GPC5: variants seen among roughly 807,000 people sequenced by gnomAD.
GPC5 encodes the protein glypican 5.
In GPC5, 47 loss-of-function variants were observed where a neutral mutation model predicts 53.9. That is an observed-to-expected ratio of 0.87 (90% confidence interval 0.69 to 1.11). The LOEUF is 1.11. Ranked by LOEUF, GPC5 falls within the 50% of genes most tolerant of loss-of-function variation. The pLI is 0.00. For synonymous variants in GPC5, 286 were observed against 263.3 expected (o/e 1.09, Z -0.84); for missense variants, 748 against 713.1 (o/e 1.05, Z -0.56).
At chr13:92,438,169 C>A (rs1479349709) in intron 7 of GPC5, among the ~76,000 whole-genome samples, 1 of 151,756 alleles carries the variant, frequency 6.6e-6, no homozygotes, top group Non-Finnish European at 1.5e-5. Flanking sequence ...GCAAAGTAGA[C>A]TCAGTCTACT....
At chr13:92,519,541 T>C (rs1228525305) in intron 7 of GPC5, among the ~76,000 whole-genome samples, 10 of 152,188 alleles carry the variant, frequency 6.6e-5, no homozygotes, top group South Asian at 2.1e-4. Flanking sequence ...GGGTACATAA[T>C]GAAATGAAGG....
intron 7 of GPC5, among the ~76,000 whole-genome samples, chr13:92,257,835 C>A (rs1487138967): frequency 6.6e-6 from 1 of 151,974 alleles, no homozygotes; most frequent in Non-Finnish European, 1.5e-5. Context: ...CAGGCCTGAG[C>A]CACCACGCCT....
intron 7 of GPC5, among the ~76,000 whole-genome samples, chr13:92,667,589 T>G (rs1281174652): frequency 1.3e-5 from 2 of 152,124 alleles, no homozygotes; most frequent in African/African-American, 4.8e-5. Context: ...GGGCATATTG[T>G]CATCTATGAG....
At chr13:91,556,570 T>C (rs117895283) in intron 2 of GPC5, among the ~76,000 whole-genome samples, 13,910 of 149,712 alleles carry the variant, frequency 0.093, 818 homozygotes, top group South Asian at 0.27. Context: ...TATATATATA[T>C]ACACACACAC....
chr13:92,450,101 T>C (rs374436516), intron 7 of GPC5, among the ~76,000 whole-genome samples: 2 of 152,088 alleles, frequency 1.3e-5, no homozygotes, highest in East Asian at 1.9e-4. Flanking sequence ...AAGTAAAACA[T>C]TTCTTCCCTT....
intron 7 of GPC5, among the ~76,000 whole-genome samples, chr13:92,227,320 C>T (rs2042495138): frequency 6.6e-6 from 1 of 152,140 alleles, no homozygotes; most frequent in South Asian, 2.1e-4. Flanking sequence ...AAAACAGCCA[C>T]CCAATGTGGC....
At chr13:91,653,610 A>G (rs539858900) in intron 2 of GPC5, among the ~76,000 whole-genome samples, 1 of 152,290 alleles carries the variant, frequency 6.6e-6, no homozygotes, top group African/African-American at 2.4e-5. Context: ...CAAAAACAAA[A>G]AAACATAATC....
intron 7 of GPC5, among the ~76,000 whole-genome samples, chr13:92,798,109 A>T (rs902901022): frequency 1.3e-5 from 2 of 151,906 alleles, no homozygotes; most frequent in African/African-American, 4.8e-5. Context: ...CAGACTGAGC[A>T]TGCTGAAAAT....
At chr13:92,674,715 A>G (rs1405748218) in intron 7 of GPC5, among the ~76,000 whole-genome samples, 1 of 152,100 alleles carries the variant, frequency 6.6e-6, no homozygotes, top group Admixed American at 6.6e-5. Flanking sequence ...TTGAATTTTT[A>G]ACATCTATGT....
chr13:91,519,423 A>G (rs1885683633), intron 2 of GPC5, among the ~76,000 whole-genome samples: 1 of 152,052 alleles, frequency 6.6e-6, no homozygotes, highest in Non-Finnish European at 1.5e-5. Context: ...TTGGGAGGTG[A>G]CTGAATCATG....
At chr13:91,807,939 C>A (rs867406238) in intron 5 of GPC5, among the ~76,000 whole-genome samples, 12 of 152,184 alleles carry the variant, frequency 7.9e-5, no homozygotes, top group Middle Eastern at 3.4e-3. Flanking sequence ...AATGAACAGA[C>A]CAATGTGCAG....
rs1009619689 is a variant in GPC5, at chr13:92,691,395, G to C, written c.1562-174887G>C. Among the ~76,000 whole-genome samples, 4 of 145,142 alleles carry C rather than the reference G, an allele frequency of 2.8e-5. No homozygotes were observed. The Admixed American group carries it at 2.8e-4, about 10-fold the overall frequency. ...ACTCCCTGACCCCTTGCGCTTCCCA[G>C]GTGAGGCAATGCCTCGCCCTGCTTC... On this transcript the variant is annotated intron_variant, in intron 7 of 7. Coordinates refer to ENST00000377067, the MANE Select transcript of GPC5 (RefSeq NM_004466.6).
intron 7 of GPC5, among the ~76,000 whole-genome samples, chr13:92,834,559 A>G (rs1346946952): frequency 5.3e-5 from 8 of 152,170 alleles, no homozygotes; most frequent in African/African-American, 1.9e-4. Context: ...ATGCTTCAAA[A>G]AATCAATACA....
In GPC5 at chr13:92,611,309, G is replaced by C. The variant is rs1276935195; in HGVS notation, c.1562-254973G>C. On this transcript the variant is annotated intron_variant, in intron 7 of 7. Coordinates refer to ENST00000377067, the MANE Select transcript of GPC5 (RefSeq NM_004466.6). ...AGGACTTTCACTTCCATGGACTTAG[G>C]CTGTAATCCCAGGACCGGATGACTC... Among the ~76,000 whole-genome samples, 29 of 152,038 alleles carry C rather than the reference G, an allele frequency of 1.9e-4. 2 individuals carry two copies. Among genetic ancestry groups the C allele is most frequent in the Admixed American group, 1.8e-3 (28 of 15,250 alleles).
intron 7 of GPC5, among the ~76,000 whole-genome samples, chr13:92,320,426 G>T (rs2043208113): frequency 6.6e-6 from 1 of 152,122 alleles, no homozygotes; most frequent in South Asian, 2.1e-4. Context: ...ATAGCATAAT[G>T]ACATGCAGGT....
At chr13:92,148,622 T>A (rs1238976779) in intron 7 of GPC5, among the ~76,000 whole-genome samples, 1 of 152,100 alleles carries the variant, frequency 6.6e-6, no homozygotes, top group Non-Finnish European at 1.5e-5. Flanking sequence ...ATTTGGTTCA[T>A]TTACATAGAT....
At chr13:92,000,299 G>A (rs1456668921) in intron 6 of GPC5, among the ~76,000 whole-genome samples, 4 of 151,922 alleles carry the variant, frequency 2.6e-5, no homozygotes, top group Admixed American at 1.3e-4. Context: ...TTGGATAGAG[G>A]AAAATAGAAA....
chr13:91,398,659 A>AGGCGGC lies in GPC5; in HGVS notation c.-375_-370dup, dbSNP rs1244826471. Reference sequence around the variant, plus strand: ...TGCTGCGAGCCGAGCCGGGCGGCGGAGGCGGCGGCGGCGGCGGCAGTGGCG... The same window carrying AGGCGGC: ...TGCTGCGAGCCGAGCCGGGCGGCGGAGGCGGCGGCGGCGGCGGCGGCGGCAGTGGCG... On this transcript the variant is annotated 5_prime_UTR_variant, in exon 1 of 8. Coordinates refer to ENST00000377067, the MANE Select transcript of GPC5 (RefSeq NM_004466.6). 1.3e-3 allele frequency: 127 copies of AGGCGGC among 100,496 alleles called. 1 individual carries two copies. Among genetic ancestry groups the AGGCGGC allele is most frequent in the African/African-American group, 3.8e-3 (119 of 31,408 alleles). 6.2% of individuals were successfully genotyped at this position (100,496 alleles called of 1,614,324 possible). A position where few individuals can be genotyped will look rare whatever the true frequency, so the allele number is the denominator to read the frequency against.
intron 6 of GPC5, among the ~76,000 whole-genome samples, chr13:91,957,774 C>T (rs1402290220): frequency 6.6e-6 from 1 of 151,822 alleles, no homozygotes; most frequent in Non-Finnish European, 1.5e-5. Flanking sequence ...CTAGACTAGC[C>T]CTATAAGAAA....
Sources: allele counts gnomAD v4.1 joint callset (sites outside exome capture counted in the v4.1 genomes callset), GRCh38; gene constraint gnomAD v4.1.1; transcripts MANE v1.5; gene names NCBI Gene and HGNC (gene_info 2026-07-23, HGNC 2026-07-21).